The following CEP83 variants were observed in gnomAD, a reference collection of about 807,000 sequenced individuals.
CEP83 encodes centrosomal protein of 83 kDa.
CEP83 carries 70 observed loss-of-function variants against 101.9 expected under a neutral mutation model. The ratio of observed to expected loss-of-function variants is 0.69; its 90% CI spans 0.57 to 0.84. CEP83 has a LOEUF of 0.84. Ranked by LOEUF, CEP83 falls within the 40% of genes least tolerant of loss-of-function variation. The pLI, the probability that CEP83 is intolerant of heterozygous loss-of-function variation, is 0.00. For synonymous variants in CEP83, 264 were observed against 267.9 expected (o/e 0.99, Z 0.14); for missense variants, 715 against 787.2 (o/e 0.91, Z 1.10).
In CEP83 at chr12:94,350,673, A is replaced by G. The variant is rs2060158724; in HGVS notation, c.1344-15009T>C. On this transcript the variant is annotated intron_variant, in intron 11 of 16. Coordinates refer to ENST00000397809, the MANE Select transcript of CEP83 (RefSeq NM_016122.3). ...AAAATAAATTTTTCTGCAACAAAAGATACTTATCAACAGAGTAAAACCCTA... is the reference window on the plus strand; with the variant it reads ...AAAATAAATTTTTCTGCAACAAAAGGTACTTATCAACAGAGTAAAACCCTA... Among the ~76,000 whole-genome samples, 3 of 152,196 alleles carry G rather than the reference A, an allele frequency of 2.0e-5. No homozygotes were observed. In the South Asian group the frequency reaches 6.2e-4, roughly 31 times the overall value.
rs530913539 is a variant in CEP83, at chr12:94,387,937, T to C, written c.550-8895A>G. ...CTAAAAGGAAAAAAAAAATAACAGATGCTAGCAAGGCTGCAGAAAAAAGGG... is the reference window on the plus strand; with the variant it reads ...CTAAAAGGAAAAAAAAAATAACAGACGCTAGCAAGGCTGCAGAAAAAAGGG... On this transcript the variant is annotated intron_variant, in intron 6 of 16. Coordinates refer to ENST00000397809, the MANE Select transcript of CEP83 (RefSeq NM_016122.3). Among the ~76,000 whole-genome samples the C allele has an allele frequency of 4.6e-5, 7 of 151,968 alleles. No homozygotes were observed. The South Asian group carries it at 1.0e-3, about 23-fold the overall frequency.
chr12:94,338,885 T>C (rs992769386), intron 11 of CEP83, among the ~76,000 whole-genome samples: 5 of 152,130 alleles, frequency 3.3e-5, no homozygotes, highest in South Asian at 2.1e-4. Context: ...CTTCAAAGTA[T>C]AGGGAAGTCA....
At chr12:94,397,214 A>C (rs1015348555) in intron 6 of CEP83, among the ~76,000 whole-genome samples, 3 of 152,136 alleles carry the variant, frequency 2.0e-5, no homozygotes, top group Non-Finnish European at 4.4e-5. Flanking sequence ...AAAATTAATG[A>C]TGGCCAGATG....
At chr12:94,366,885 A>C (rs900092928) in intron 11 of CEP83, among the ~76,000 whole-genome samples, 20 of 152,172 alleles carry the variant, frequency 1.3e-4, no homozygotes, top group African/African-American at 4.6e-4. Context: ...TGTCAAAAGG[A>C]CATGGGATTC....
At chr12:94,403,871 T>C (rs1593764195) in intron 4 of CEP83, among the ~76,000 whole-genome samples, 1 of 130,526 alleles carries the variant, frequency 7.7e-6, no homozygotes, top group Non-Finnish European at 1.6e-5. Context: ...GAGGAACAAA[T>C]ACTAGTTGTA....
chr12:94,315,768 A>ATC (rs1171467027), intron 14 of CEP83, among the ~76,000 whole-genome samples: 1 of 151,904 alleles, frequency 6.6e-6, no homozygotes, highest in Non-Finnish European at 1.5e-5. Context: ...GCTGAGTTTA[A>ATC]TCTATTGACT....
At chr12:94,429,488 A>C (rs2065456034) in intron 2 of CEP83, among the ~76,000 whole-genome samples, 1 of 152,218 alleles carries the variant, frequency 6.6e-6, no homozygotes, top group South Asian at 2.1e-4. Context: ...CAGTCCCAAC[A>C]GACTGCACCT....
chr12:94,419,881 C>T (rs1040077431), intron 2 of CEP83, among the ~76,000 whole-genome samples: 1 of 152,014 alleles, frequency 6.6e-6, no homozygotes, highest in Admixed American at 6.6e-5. Context: ...AAAGCAGAAG[C>T]ACAAAGTTGC....
At chr12:94,361,489 G>T (rs2060757734) in intron 11 of CEP83, 1 of 152,070 alleles carries the variant, frequency 6.6e-6, no homozygotes, top group Non-Finnish European at 1.5e-5. Flanking sequence ...AATACCCACT[G>T]CAATCCAGCC....
At chr12:94,343,934 G>T (rs987237515) in intron 11 of CEP83, among the ~76,000 whole-genome samples, 3 of 152,114 alleles carry the variant, frequency 2.0e-5, no homozygotes, top group African/African-American at 7.2e-5. Context: ...CATATGGGTG[G>T]GCCCTAATCC....
chr12:94,393,708 T>C (rs1342571650), intron 6 of CEP83, among the ~76,000 whole-genome samples: 1 of 152,236 alleles, frequency 6.6e-6, no homozygotes, highest in Non-Finnish European at 1.5e-5. Flanking sequence ...ATGATATGAT[T>C]GTATATTTAG....
chr12:94,311,962 T>C (rs960338539), intron 15 of CEP83, among the ~76,000 whole-genome samples: 1 of 152,044 alleles, frequency 6.6e-6, no homozygotes, highest in African/African-American at 2.4e-5. Context: ...GTAATCCCAG[T>C]GCTTTGGGAG....
At chr12:94,331,303 A>AAAAAGAAAAG (rs1398085052) in intron 14 of CEP83, among the ~76,000 whole-genome samples, 1 of 124,406 alleles carries the variant, frequency 8.0e-6, no homozygotes, top group African/African-American at 3.4e-5. Context: ...AAAAAAAAAA[A>AAAAAGAAAAG]AAAAAAAAAA....
At chr12:94,434,291 G>A (rs1319174039) in intron 2 of CEP83, among the ~76,000 whole-genome samples, 1 of 151,944 alleles carries the variant, frequency 6.6e-6, no homozygotes, top group African/African-American at 2.4e-5. Context: ...AAAAATAAGA[G>A]ATATGAAACA....
intron 13 of CEP83, 55 bp from the exon 14 acceptor site, chr12:94,331,884 T>C (rs996201854): frequency 1.8e-5 from 28 of 1,523,952 alleles, no homozygotes; most frequent in Non-Finnish European, 2.3e-5. Context: ...TAGGATTAAA[T>C]AGATATTATC....
chr12:94,279,608 A>G, the CEP83 span: 2 of 1,614,234 alleles, frequency 1.2e-6, no homozygotes, highest in African/African-American at 1.3e-5. Context: ...TTAAGCAAAA[A>G]TGGCTCTCCT....
At chr12:94,336,417 C>T (rs958739465) in intron 11 of CEP83, among the ~76,000 whole-genome samples, 3 of 152,158 alleles carry the variant, frequency 2.0e-5, no homozygotes, top group Non-Finnish European at 4.4e-5. Context: ...TCACTTGGCA[C>T]CTATTTATAG....
intron 15 of CEP83, chr12:94,312,664 C>T: frequency 1.0e-6 from 1 of 985,314 alleles, no homozygotes; most frequent in Non-Finnish European, 1.2e-6. Context: ...CTCCTTGCTA[C>T]CAAAGCCAGT....
At chr12:94,354,259 C>T (rs533028389) in intron 11 of CEP83, among the ~76,000 whole-genome samples, 1 of 152,024 alleles carries the variant, frequency 6.6e-6, no homozygotes, top group African/African-American at 2.4e-5. Flanking sequence ...GGCACAATCT[C>T]GGCTCACTGT....
Sources: allele counts gnomAD v4.1 joint callset (sites outside exome capture counted in the v4.1 genomes callset), GRCh38; gene constraint gnomAD v4.1.1; transcripts MANE v1.5; gene names NCBI Gene and HGNC (gene_info 2026-07-23, HGNC 2026-07-21).